Variants in STMP1 observed in about 807,000 individuals in gnomAD.
STMP1 encodes the protein short transmembrane mitochondrial protein 1.
STMP1 carries 7 observed loss-of-function variants against 7.0 expected under a neutral mutation model. The observed-to-expected ratio is 1.01, with a 90% CI of 0.57 to 1.89. The LOEUF (loss-of-function observed/expected upper bound fraction) is 1.89. STMP1 is among the 40% of genes most tolerant of loss of function. The pLI is 0.00. For missense variants in STMP1, 45 were observed against 53.0 expected, an observed-to-expected ratio of 0.85 and a Z score of 0.47; for synonymous variants, 19 against 18.4, an observed-to-expected ratio of 1.03 and a Z score of -0.08.
intron 1 of STMP1, among the ~76,000 whole-genome samples, chr7:135,671,722 G>A (rs1190617475): frequency 6.6e-6 from 1 of 152,180 alleles, no homozygotes; most frequent in African/African-American, 2.4e-5. Context: ...TGTCCTGCCT[G>A]TTAGACTGTA....
intron 1 of STMP1, among the ~76,000 whole-genome samples, chr7:135,669,055 CAAAG>C (rs754400953): frequency 4.7e-4 from 71 of 152,312 alleles, no homozygotes; most frequent in Admixed American, 2.1e-3. Flanking sequence ...TGGCAGCAGA[CAAAG>C]AGAGAGCTTG....
At chr7:135,669,994 G>A (rs1173854050) in intron 1 of STMP1, among the ~76,000 whole-genome samples, 4 of 152,152 alleles carry the variant, frequency 2.6e-5, no homozygotes, top group Non-Finnish European at 5.9e-5. Context: ...CTTCTGTTGT[G>A]TACTGCTCTG....
At chr7:135,665,868 T>A (rs1795285968) in intron 1 of STMP1, among the ~76,000 whole-genome samples, 1 of 151,948 alleles carries the variant, frequency 6.6e-6, no homozygotes, top group African/African-American at 2.4e-5. Flanking sequence ...TTGTGCACAC[T>A]GCCTATGATG....
intron 2 of STMP1, 40 bp from the exon 3 acceptor site, chr7:135,674,051 G>A (rs1795384246): frequency 2.3e-6 from 3 of 1,290,054 alleles, no homozygotes; most frequent in Non-Finnish European, 3.3e-6. Context: ...ATATTGATTA[G>A]GTAGATGCAA....
At chr7:135,671,415 G>A (rs1423623587) in intron 1 of STMP1, among the ~76,000 whole-genome samples, 1 of 152,134 alleles carries the variant, frequency 6.6e-6, no homozygotes, top group Non-Finnish European at 1.5e-5. Context: ...CCTCTCTGCT[G>A]TGTATTGATT....
chr7:135,662,599 G>C lies in STMP1; in HGVS notation c.15+5G>C. On this transcript the variant is annotated splice_donor_5th_base_variant and intron_variant, in intron 1 of 2. Coordinates refer to ENST00000507606, the MANE Select transcript of STMP1 (RefSeq NM_001130929.2). ...GACATCATGCTCCAGTTCCTGGTGA[G>C]TGGAGCTGCCGAAGAGCGGGGCCCG... The C allele has an allele frequency of 6.5e-7, 1 of 1,547,638 alleles. No homozygotes were observed. Among genetic ancestry groups the C allele is most frequent in the Non-Finnish European group, 8.7e-7 (1 of 1,145,418 alleles).
chr7:135,666,800 T>C (rs1795299126), intron 1 of STMP1, among the ~76,000 whole-genome samples: 1 of 152,272 alleles, frequency 6.6e-6, no homozygotes, highest in Non-Finnish European at 1.5e-5. Context: ...TTTCCACTTT[T>C]GGCTATGATG....
intron 1 of STMP1, among the ~76,000 whole-genome samples, chr7:135,667,266 A>G (rs1297646432): frequency 6.6e-6 from 1 of 152,228 alleles, no homozygotes. Context: ...GCTGGAGTGC[A>G]GTGGTGCAGT....
At chr7:135,667,454 C>CTG (rs1795308859) in intron 1 of STMP1, among the ~76,000 whole-genome samples, 1 of 152,306 alleles carries the variant, frequency 6.6e-6, no homozygotes, top group South Asian at 2.1e-4. Flanking sequence ...CTCAGGTGAT[C>CTG]CCCCAACCTT....
chr7:135,667,605 T>G (rs1795310591), intron 1 of STMP1, among the ~76,000 whole-genome samples: 1 of 152,246 alleles, frequency 6.6e-6, no homozygotes. Context: ...AGATATATAT[T>G]TGAAAATATT....
At position 135,674,435 on chromosome 7, in the gene STMP1, A is replaced by T. The variant is rs1262519603; in HGVS notation, c.*270A>T. 1 of 348,020 alleles carries T rather than the reference A, an allele frequency of 2.9e-6. No individual in the cohort carries two copies. Among genetic ancestry groups the T allele is most frequent in the African/African-American group, 2.1e-5 (1 of 47,438 alleles). The allele number at this position is 348,020 out of a possible 1,614,324, so 21.6% of individuals were successfully genotyped here. A position where few individuals can be genotyped will look rare whatever the true frequency, so the allele number is the denominator to read the frequency against. ...GAATTATGGTGCTAGATTAGTAAACATGACTTTTAATGAGTAGTGTCTTCT... is the reference window on the plus strand; with the variant it reads ...GAATTATGGTGCTAGATTAGTAAACTTGACTTTTAATGAGTAGTGTCTTCT... On this transcript the variant is annotated 3_prime_UTR_variant, in exon 3 of 3. Transcript: ENST00000507606.
chr7:135,667,871 T>A (rs1795313181), intron 1 of STMP1, among the ~76,000 whole-genome samples: 1 of 152,184 alleles, frequency 6.6e-6, no homozygotes, highest in Non-Finnish European at 1.5e-5. Flanking sequence ...GCCCCACTCA[T>A]GAAGGTTTAC....
chr7:135,663,394 G>T (rs1795256977), intron 1 of STMP1, among the ~76,000 whole-genome samples: 1 of 152,090 alleles, frequency 6.6e-6, no homozygotes, highest in Admixed American at 6.5e-5. Context: ...CGTCAGGCTG[G>T]AGTGCAGTGG....
chr7:135,669,875 T>C (rs768512459), intron 1 of STMP1, among the ~76,000 whole-genome samples: 1 of 152,250 alleles, frequency 6.6e-6, no homozygotes, highest in Non-Finnish European at 1.5e-5. Flanking sequence ...AAATGAGTTA[T>C]GATGAAATGT....
Position 135,674,185 on chromosome 7 carries a change from T to G in STMP1, c.*20T>G. 6.6e-7 allele frequency: 1 copy of G among 1,519,378 alleles called. No individual in the cohort carries two copies. The highest frequency in any genetic ancestry group is 8.9e-7 in the Non-Finnish European group (1 of 1,126,084). 94.1% of individuals were successfully genotyped at this position (1,519,378 alleles called of 1,614,324 possible). ...GCATGAGACTGCCTCCAGCACTGCC[T>G]TCAGGATATACTGATTCTACTGCTC... On this transcript the variant is annotated 3_prime_UTR_variant, in exon 3 of 3. Coordinates refer to ENST00000507606, the MANE Select transcript of STMP1 (RefSeq NM_001130929.2).
At chr7:135,663,016 C>CT (rs1266842217) in intron 1 of STMP1, among the ~76,000 whole-genome samples, 3 of 152,190 alleles carry the variant, frequency 2.0e-5, no homozygotes, top group African/African-American at 7.2e-5. Context: ...GTTGGCTTTT[C>CT]TGAGGAGGTA....
At chr7:135,671,281 A>T (rs1031555863) in intron 1 of STMP1, among the ~76,000 whole-genome samples, 1 of 152,222 alleles carries the variant, frequency 6.6e-6, no homozygotes, top group Non-Finnish European at 1.5e-5. Context: ...CAAGCTTAGT[A>T]AGTTTAAAGT....
chr7:135,666,421 T>C (rs142017548), intron 1 of STMP1, among the ~76,000 whole-genome samples: 1 of 152,296 alleles, frequency 6.6e-6, no homozygotes, highest in Non-Finnish European at 1.5e-5. Context: ...CAATCTCGGC[T>C]CACTGCAACC....
rs1182054703 is a variant in STMP1, at chr7:135,662,535, G to C, written c.-45G>C. The C allele has an allele frequency of 4.5e-6, 7 of 1,540,092 alleles. No homozygotes were observed. Among genetic ancestry groups the C allele is most frequent in the Non-Finnish European group, 6.1e-6 (7 of 1,142,524 alleles). On this transcript the variant is annotated 5_prime_UTR_variant, in exon 1 of 3. Coordinates refer to ENST00000507606, the MANE Select transcript of STMP1 (RefSeq NM_001130929.2). The stretch of plus-strand genomic sequence containing the variant: ...AGGTAGGCTCGGACCGGCCCGCGGA[G>C]CTGCTGCAGTCCTTCGCGCCCTCCT...
Sources: allele counts gnomAD v4.1 joint callset (sites outside exome capture counted in the v4.1 genomes callset), GRCh38; gene constraint gnomAD v4.1.1; transcripts MANE v1.5; gene names NCBI Gene and HGNC (gene_info 2026-07-23, HGNC 2026-07-21).